The following ARHGEF6 variants were observed in gnomAD, a reference collection of about 807,000 sequenced individuals.
ARHGEF6 encodes the protein Rac/Cdc42 guanine nucleotide exchange factor 6.
In ARHGEF6, 9 loss-of-function variants were observed where a neutral mutation model predicts 70.3. That is an observed-to-expected ratio of 0.13 (90% confidence interval 0.08 to 0.22). The LOEUF is 0.22. Among genes scored for constraint, ARHGEF6 ranks in the 10% least tolerant of loss-of-function variants. The pLI is 1.00. For synonymous variants in ARHGEF6, 201 were observed against 207.8 expected (o/e 0.97, Z 0.28); for missense variants, 470 against 563.0 (o/e 0.83, Z 1.67).
intron 8 of ARHGEF6, among the ~76,000 whole-genome samples, chrX:136,707,709 C>T (rs1186573592): frequency 9.0e-6 from 1 of 111,682 alleles, no homozygotes; most frequent in Non-Finnish European, 1.9e-5. Context: ...CTAGATCCCT[C>T]TTGGCCCCTC....
intron 5 of ARHGEF6, among the ~76,000 whole-genome samples, chrX:136,743,050 T>C (rs766572902): frequency 8.0e-5 from 9 of 111,816 alleles, no homozygotes; most frequent in African/African-American, 2.9e-4. Flanking sequence ...TGGCTATTGT[T>C]ACAAAAAAAA....
chrX:136,680,920 A>G, intron 14 of ARHGEF6, 44 bp from the exon 15 acceptor site: 1 of 1,197,747 alleles, frequency 8.3e-7, no homozygotes, highest in Non-Finnish European at 1.1e-6. Context: ...AAAGGCAAGG[A>G]AAAACTTGAG....
intron 9 of ARHGEF6, among the ~76,000 whole-genome samples, chrX:136,692,307 G>A (rs2076466720): frequency 9.0e-6 from 1 of 111,503 alleles, no homozygotes; most frequent in Non-Finnish European, 1.9e-5. Context: ...GCCCAGGCTG[G>A]TGTCGAACTC....
At chrX:136,723,737 A>C (rs754523641) in intron 6 of ARHGEF6, among the ~76,000 whole-genome samples, 209 of 110,656 alleles carry the variant, frequency 1.9e-3, no homozygotes, top group African/African-American at 6.7e-3. Flanking sequence ...CAGCCTGGCC[A>C]ACATGGTGAA....
chrX:136,740,744 T>C (rs777736379), intron 5 of ARHGEF6, among the ~76,000 whole-genome samples: 5 of 111,867 alleles, frequency 4.5e-5, no homozygotes, highest in African/African-American at 1.6e-4. Context: ...GGGTGTGCTG[T>C]TCACTTCCCA....
rs1453718458 is a variant in ARHGEF6 at position 136,679,589 on chromosome X, A to G, written c.1776T>C (p.Ser592=). The G allele has an allele frequency of 1.7e-6, 2 of 1,211,322 alleles. No homozygotes were observed. The highest frequency in any genetic ancestry group is 5.9e-5 in the East Asian group (2 of 33,851). Residue 592 remains serine, a synonymous_variant, in exon 16 of 22, where the codon AGT becomes AGC. Transcript: ENST00000250617. The stretch of plus-strand genomic sequence containing the variant: ...TAAGTGGAGGTGCAGGTCGTAGACA[A>G]CTTAAACTCCACGGTTTTATAATTT... ...PPQIIKPWSL[S]CLRPAPPLRP... is the part of the protein sequence containing the mutation.
Position 136,690,653 on chromosome X carries a change from T to G in ARHGEF6, c.1142A>C (p.Glu381Ala). Residue 381 changes from glutamate to alanine, a missense_variant, in exon 10 of 22, where the codon GAG becomes GCG. Glu to Ala is a moderately radical substitution (Grantham distance 107). This residue lies in a region of ARHGEF6 where 379 missense variants were observed against 449.3 expected (regional missense o/e 0.84). Coordinates refer to ENST00000250617, the MANE Select transcript of ARHGEF6 (RefSeq NM_004840.3). ...CTCTTGCAAGAGAGTAACATATTTCTCCAGTCGCATGAATGGTTTGCTGAG... is the reference window on the plus strand; with the variant it reads ...CTCTTGCAAGAGAGTAACATATTTCGCCAGTCGCATGAATGGTTTGCTGAG... ...TNLSKPFMRLEKYVTLLQELE... is the reference protein window; with the variant it reads ...TNLSKPFMRLAKYVTLLQELE... The G allele has an allele frequency of 1.7e-6, 2 of 1,210,661 alleles. No individual in the cohort carries two copies. Among genetic ancestry groups the G allele is most frequent in the Admixed American group, 4.4e-5 (2 of 45,933 alleles).
intron 6 of ARHGEF6, among the ~76,000 whole-genome samples, chrX:136,726,406 A>G (rs2076853402): frequency 8.9e-6 from 1 of 111,758 alleles, no homozygotes; most frequent in African/African-American, 3.3e-5. Flanking sequence ...GAAGAGGGTA[A>G]GAAAGAAATA....
intron 5 of ARHGEF6, among the ~76,000 whole-genome samples, chrX:136,738,459 T>G (rs1253037074): frequency 8.9e-6 from 1 of 112,317 alleles, no homozygotes; most frequent in Non-Finnish European, 1.9e-5. Context: ...ATGTTAGGCA[T>G]ATGAAGACAA....
intron 5 of ARHGEF6, among the ~76,000 whole-genome samples, chrX:136,742,379 C>T (rs1222404879): frequency 9.0e-6 from 1 of 111,709 alleles, no homozygotes; most frequent in Non-Finnish European, 1.9e-5. Context: ...TTTCATTTTA[C>T]TTACAGTGAG....
chrX:136,700,067 C>T (rs1185438056), intron 9 of ARHGEF6, among the ~76,000 whole-genome samples: 2 of 110,942 alleles, frequency 1.8e-5, no homozygotes, highest in Admixed American at 9.6e-5. Flanking sequence ...TTTCCAGGGA[C>T]TCAGGTCTAC....
chrX:136,705,824 C>G (rs1659389806), intron 9 of ARHGEF6, among the ~76,000 whole-genome samples: 1 of 112,594 alleles, frequency 8.9e-6, no homozygotes, highest in Non-Finnish European at 1.9e-5. Context: ...TACATAACAT[C>G]TTTGTAAAGC....
At chrX:136,724,233 C>T (rs1483678927) in intron 6 of ARHGEF6, among the ~76,000 whole-genome samples, 1 of 109,356 alleles carries the variant, frequency 9.1e-6, no homozygotes, top group African/African-American at 3.3e-5. Context: ...GTGCATGCTA[C>T]CATGCACAGC....
chrX:136,753,303 A>G (rs2077171836), intron 2 of ARHGEF6, among the ~76,000 whole-genome samples: 1 of 112,353 alleles, frequency 8.9e-6, no homozygotes, highest in Admixed American at 9.4e-5. Flanking sequence ...TGTATTGGAA[A>G]GAGCACTGAT....
chrX:136,734,015 C>G (rs779564048), intron 5 of ARHGEF6, among the ~76,000 whole-genome samples: 1 of 112,191 alleles, frequency 8.9e-6, no homozygotes, highest in African/African-American at 3.2e-5. Flanking sequence ...TTCAAACAGG[C>G]AGGGAAGGCA....
At chrX:136,761,138 T>C (rs2077260093) in intron 2 of ARHGEF6, among the ~76,000 whole-genome samples, 1 of 112,159 alleles carries the variant, frequency 8.9e-6, no homozygotes. Flanking sequence ...CAGTTCCTCT[T>C]TACAACTGGA....
chrX:136,764,061 C>T (rs1400523281), intron 2 of ARHGEF6, among the ~76,000 whole-genome samples: 1 of 111,019 alleles, frequency 9.0e-6, no homozygotes, highest in East Asian at 2.8e-4. Flanking sequence ...CTGTATGGTT[C>T]TCAGCTTAGT....
At chrX:136,732,312 C>T in intron 5 of ARHGEF6, 140 bp from the exon 6 acceptor site, 2 of 518,679 alleles carry the variant, frequency 3.9e-6, no homozygotes. Context: ...AATGAAACTA[C>T]AACTGTGCTA....
At chrX:136,742,991 G>A (rs2077059942) in intron 5 of ARHGEF6, among the ~76,000 whole-genome samples, 1 of 111,104 alleles carries the variant, frequency 9.0e-6, no homozygotes. Context: ...ATTAAAAAAA[G>A]AGAGAGAGAG....
Sources: gnomAD v4.1 joint callset for allele counts (sites outside exome capture counted in the v4.1 genomes callset) on GRCh38, gnomAD v4.1.1 for gene constraint, gnomAD v4.1.1 regional missense constraint, MANE v1.5 for transcripts, NCBI Gene and HGNC (gene_info 2026-07-23, HGNC 2026-07-21) for gene names.